The following ZNF112 variants were observed in gnomAD, a reference collection of about 807,000 sequenced individuals.
ZNF112 encodes the protein zinc finger protein 112 (Y14).
ZNF112 carries 37 observed loss-of-function variants against 77.7 expected under a neutral mutation model. That is an observed-to-expected ratio of 0.48 (90% CI 0.37 to 0.63). The LOEUF (loss-of-function observed/expected upper bound fraction) is 0.63, where lower values mean the gene tolerates loss of function less well. Ranked by LOEUF, ZNF112 falls within the 20% of genes least tolerant of loss-of-function variation. The pLI, the probability that ZNF112 is intolerant of heterozygous loss-of-function variation, is 0.00. For synonymous variants in ZNF112, 333 were observed against 363.6 expected, an observed-to-expected ratio of 0.92 and a Z score of 0.96; for missense variants, 950 against 1,077.4, an observed-to-expected ratio of 0.88 and a Z score of 1.66.
chr19:44,336,794 T>C (rs1970376774), intron 2 of ZNF112, 76 bp from the exon 3 acceptor site: 2 of 1,184,998 alleles, frequency 1.7e-6, no homozygotes, highest in Non-Finnish European at 2.5e-6. Context: ...CAAAAAGGTA[T>C]ACACAGACAA....
chr19:44,343,118 G>A, intron 1 of ZNF112: 1 of 890,820 alleles, frequency 1.1e-6, no homozygotes, highest in Non-Finnish European at 1.7e-6. Context: ...AAAACAAAAA[G>A]CAAGAGCCTG....
At chr19:44,338,762 G>A (rs563813824) in intron 2 of ZNF112, among the ~76,000 whole-genome samples, 126 of 152,290 alleles carry the variant, frequency 8.3e-4, no homozygotes, top group African/African-American at 2.9e-3. Flanking sequence ...AGAAAAATAT[G>A]CTTTAAAGAA....
chr19:44,335,757 C>T (rs922482209), intron 3 of ZNF112, among the ~76,000 whole-genome samples: 2 of 152,184 alleles, frequency 1.3e-5, no homozygotes, highest in Non-Finnish European at 2.9e-5. Context: ...TGAATCTTAA[C>T]CAAGATGGAA....
chr19:44,352,730 C>T (rs1278062764), intron 1 of ZNF112, among the ~76,000 whole-genome samples: 1 of 151,912 alleles, frequency 6.6e-6, no homozygotes, highest in African/African-American at 2.4e-5. Context: ...AATTTTAAAA[C>T]AATATGATTT....
At chr19:44,364,751 T>A (rs1301503259) in intron 1 of ZNF112, among the ~76,000 whole-genome samples, 1 of 152,220 alleles carries the variant, frequency 6.6e-6, no homozygotes, top group African/African-American at 2.4e-5. Context: ...TAATTTGAAT[T>A]ATACAGGGTG....
intron 3 of ZNF112, among the ~76,000 whole-genome samples, chr19:44,332,824 AT>A (rs1215610411): frequency 6.6e-6 from 1 of 152,244 alleles, no homozygotes; most frequent in African/African-American, 2.4e-5. Flanking sequence ...AAGAAAAAAA[AT>A]AAAAGGTCAT....
Position 44,328,495 on chromosome 19 carries a change from C to T in ZNF112, c.1662G>A (p.Lys554=), listed in dbSNP as rs769577041. The T allele has an allele frequency of 1.1e-4, 169 of 1,597,320 alleles. No individual in the cohort carries two copies. The South Asian group carries it at 1.7e-3, about 16-fold the overall frequency. ...EKPYKCEECD[K]GFSRSSYLQA... ...GAAGATATGAACTCCGACTGAATCC[C>T]TTATCACATTCCTCGCATTTATAAG... Residue 554 remains lysine, a synonymous_variant, in exon 4 of 4, where the codon AAG becomes AAA. Transcript: ENST00000354340.
In ZNF112 at chr19:44,344,575, G is replaced by T. The variant is rs533500310; in HGVS notation, c.-3-4033C>A. The stretch of plus-strand genomic sequence containing the variant: ...TGGCTGCGTAATCAGCAGTAAAAGA[G>T]CTGAGTTTTCTTTCACTCATCCAAT... On this transcript the variant is annotated intron_variant, in intron 1 of 3. Transcript: ENST00000354340. Among the ~76,000 whole-genome samples the T allele has an allele frequency of 3.3e-5, 5 of 152,270 alleles. No homozygotes were observed. In the East Asian group the frequency reaches 9.7e-4, roughly 29 times the overall value.
At chr19:44,336,824 C>A (rs1455916892) in intron 2 of ZNF112, 106 bp from the exon 3 acceptor site, 2 of 811,480 alleles carry the variant, frequency 2.5e-6, no homozygotes, top group African/African-American at 1.7e-5. Flanking sequence ...TCTCCCACAT[C>A]CCTTCCACCC....
intron 1 of ZNF112, among the ~76,000 whole-genome samples, chr19:44,354,969 A>G (rs1970760082): frequency 6.6e-6 from 1 of 152,170 alleles, no homozygotes; most frequent in South Asian, 2.1e-4. Context: ...AGTCTTGGAT[A>G]TAAGCAATTT....
In ZNF112 at chr19:44,327,564, G is replaced by A. The variant is rs866293362; in HGVS notation, c.2593C>T (p.Arg865Cys). The change falls in exon 4 of 4, where the codon CGT (arginine) becomes TGT (cysteine). Residue 865 changes from arginine to cysteine, a missense_variant. By Grantham distance (180) the Arg-to-Cys change is radical. Coordinates refer to ENST00000354340, the MANE Select transcript of ZNF112 (RefSeq NM_013380.4). ...YKCDACGKGF[R>C]WSSGLLIHQR... ...TGAATGAGAAGACCTGAGCTCCAAC[G>A]GAAACCCTTACCACATGCATCACAT... 1.2e-5 allele frequency: 20 copies of A among 1,613,960 alleles called. No individual in the cohort carries two copies. Among genetic ancestry groups the A allele is most frequent in the East Asian group, 2.2e-5 (1 of 44,878 alleles).
intron 1 of ZNF112, among the ~76,000 whole-genome samples, chr19:44,347,982 T>C (rs2722737): frequency 0.75 from 114,565 of 151,936 alleles, 43,505 homozygotes; most frequent in African/African-American, 0.85. Flanking sequence ...AATTTTGTAC[T>C]GACAACTCCT....
intron 1 of ZNF112, among the ~76,000 whole-genome samples, chr19:44,362,244 A>C (rs1457462885): frequency 6.6e-6 from 1 of 152,020 alleles, no homozygotes; most frequent in Non-Finnish European, 1.5e-5. Flanking sequence ...GAGGAAGGTG[A>C]GGGTATGTAG....
chr19:44,344,139 AAC>A (rs1970544197), intron 1 of ZNF112, among the ~76,000 whole-genome samples: 1 of 152,182 alleles, frequency 6.6e-6, no homozygotes, highest in African/African-American at 2.4e-5. Flanking sequence ...TCTCATGTTA[AAC>A]AAAAATGTGA....
intron 3 of ZNF112, among the ~76,000 whole-genome samples, chr19:44,332,780 A>C (rs911368126): frequency 8.5e-5 from 13 of 152,194 alleles, no homozygotes; most frequent in Non-Finnish European, 2.9e-5. Flanking sequence ...TTTCTCTCTG[A>C]GCAGTGGGTT....
At chr19:44,334,619 C>T (rs762521395) in intron 3 of ZNF112, among the ~76,000 whole-genome samples, 1 of 152,244 alleles carries the variant, frequency 6.6e-6, no homozygotes, top group Non-Finnish European at 1.5e-5. Context: ...CTGCTGTTTT[C>T]TACAGCTGAA....
At chr19:44,360,921 T>C (rs1970849711), upstream of ZNF112, among the ~76,000 whole-genome samples, 1 of 152,202 alleles carries the variant, frequency 6.6e-6, no homozygotes, top group Non-Finnish European at 1.5e-5. Flanking sequence ...AGCAGGATCA[T>C]TCATCACAAT....
chr19:44,332,686 C>G lies in ZNF112; in HGVS notation c.221-2750G>C, dbSNP rs538208393. ...ATGAAAGTAGCTTGTTAGTCAAAACCCAATTTCTCACAAAGCAACTGTTTC... is the reference window on the plus strand; with the variant it reads ...ATGAAAGTAGCTTGTTAGTCAAAACGCAATTTCTCACAAAGCAACTGTTTC... On this transcript the variant is annotated intron_variant, in intron 3 of 3. Transcript: ENST00000354340. Among the ~76,000 whole-genome samples the G allele has an allele frequency of 2.0e-4, 30 of 152,144 alleles. 1 individual carries two copies. In the South Asian group the frequency reaches 5.8e-3, roughly 29 times the overall value.
chr19:44,328,017 G>A lies in ZNF112; in HGVS notation c.2140C>T (p.Pro714Ser). The A allele has an allele frequency of 6.2e-7, 1 of 1,613,838 alleles. No homozygotes were observed. The highest frequency in any genetic ancestry group is 8.5e-7 in the Non-Finnish European group (1 of 1,179,940). ...TTTCCACATACCTCACATATATATG[G>A]TCTTTCTCCAGAATGGACACTCTGA... ...SHQSVHSGER[P>S]YICEVCGKGF... The change falls in exon 4 of 4, where the codon CCA (proline) becomes TCA (serine). Residue 714 changes from proline to serine, a missense_variant. Physicochemically the swap from Pro to Ser is moderately conservative, Grantham distance 74. Coordinates refer to ENST00000354340, the MANE Select transcript of ZNF112 (RefSeq NM_013380.4).
Sources: gnomAD v4.1 joint callset for allele counts (sites outside exome capture counted in the v4.1 genomes callset) on GRCh38, gnomAD v4.1.1 for gene constraint, MANE v1.5 for transcripts, NCBI Gene and HGNC (gene_info 2026-07-23, HGNC 2026-07-21) for gene names.